Variants in PCBP3 observed in about 807,000 individuals in gnomAD.
PCBP3 encodes the protein poly(rC) binding protein 3.
In PCBP3, 25 loss-of-function variants were observed where a neutral mutation model predicts 52.7. The ratio of observed to expected loss-of-function variants is 0.47; its 90% confidence interval spans 0.35 to 0.66. The LOEUF is 0.66. Among genes scored for constraint, PCBP3 ranks in the 30% least tolerant of loss-of-function variants. The probability of loss-of-function intolerance (pLI) is 0.01; values close to 1 mark genes in which losing one functional copy is unlikely to be tolerated. For synonymous variants in PCBP3, 162 were observed against 183.0 expected (o/e 0.89, Z 0.93); for missense variants, 391 against 490.3 (o/e 0.80, Z 1.91).
In PCBP3 at chr21:45,896,866, AGGCGGCCGC is replaced by A. The variant is rs1187527520; in HGVS notation, c.165+508_165+516del. Among the ~76,000 whole-genome samples, 1,071 of 145,008 alleles carry A rather than the reference AGGCGGCCGC, an allele frequency of 7.4e-3. 2 individuals are homozygous for A. Among genetic ancestry groups the A allele is most frequent in the South Asian group, 0.014 (63 of 4,586 alleles). On this transcript the variant is annotated intron_variant, in intron 6 of 17. Transcript: ENST00000681687. ...GCCCGGGCCATTGTCTCTGTAGGAA[AGGCGGCCGC>A]GGCACATAGAACCGGAGATGCACTG...
chr21:45,855,654 T>C (rs1458658344), intron 5 of PCBP3, among the ~76,000 whole-genome samples: 1 of 152,270 alleles, frequency 6.6e-6, no homozygotes, highest in African/African-American at 2.4e-5. Context: ...CCCGCCACCC[T>C]AGGTCTGTGC....
chr21:45,927,315 TCC>T (rs1278507281), intron 13 of PCBP3, among the ~76,000 whole-genome samples: 2 of 27,882 alleles, frequency 7.2e-5, no homozygotes, highest in African/African-American at 2.9e-4. Flanking sequence ...CTCCCCTTCC[TCC>T]CTCTCCCCCT....
intron 5 of PCBP3, among the ~76,000 whole-genome samples, chr21:45,854,683 C>T (rs966229295): frequency 2.6e-5 from 4 of 152,216 alleles, no homozygotes; most frequent in Admixed American, 1.3e-4. Flanking sequence ...CTGTTAGGAG[C>T]GGTGCCCTTG....
At chr21:45,852,090 G>C (rs1450039615) in intron 5 of PCBP3, among the ~76,000 whole-genome samples, 3 of 152,228 alleles carry the variant, frequency 2.0e-5, no homozygotes, top group Non-Finnish European at 4.4e-5. Flanking sequence ...ATAGCTGGAA[G>C]ACAGGATTTT....
chr21:45,654,716 G>T (rs112738490), intron 1 of PCBP3, among the ~76,000 whole-genome samples: 1,725 of 152,164 alleles, frequency 0.011, 19 homozygotes, highest in Non-Finnish European at 0.018. Flanking sequence ...TAAACGTTTT[G>T]TGGGATATAA....
At chr21:45,794,005 A>G (rs555845165) in intron 4 of PCBP3, among the ~76,000 whole-genome samples, 1 of 152,226 alleles carries the variant, frequency 6.6e-6, no homozygotes, top group Non-Finnish European at 1.5e-5. Context: ...TGTAACATGT[A>G]CTAGTCTAAA....
In PCBP3 at chr21:45,805,319, G is replaced by C. The variant is rs1051030562; in HGVS notation, c.-125-44642G>C. Among the ~76,000 whole-genome samples the C allele has an allele frequency of 6.6e-6, 1 of 151,966 alleles. No homozygotes were observed. The highest frequency in any genetic ancestry group is 1.5e-5 in the Non-Finnish European group (1 of 67,960). ...GCTGAAAACCCCCCAGGTGGTGTCT[G>C]GGGGGGAAAGTAATTGGAAGATTAT... On this transcript the variant is annotated intron_variant, in intron 4 of 17. Transcript: ENST00000681687. This position sits in a 1 kb window ranked among gnomAD's most constrained non-coding sequence, Gnocchi z 4.6.
rs62211925 is a variant in PCBP3, at chr21:45,880,926, C to T, written c.11-15282C>T. Reference sequence around the variant, plus strand: ...AACAGCACAGCAGTGGGAAGGTACCCAGGGGCTTCAGCACGGGGTGAGTCC... The same window carrying T: ...AACAGCACAGCAGTGGGAAGGTACCTAGGGGCTTCAGCACGGGGTGAGTCC... On this transcript the variant is annotated intron_variant, in intron 5 of 17. Coordinates refer to ENST00000681687, the MANE Select transcript of PCBP3 (RefSeq NM_001384156.1). The surrounding 1 kb of genome is among the most constrained non-coding windows in gnomAD (Gnocchi z 5.4). 0.14 allele frequency among the ~76,000 whole-genome samples: 21,685 copies of T among 152,164 alleles called. 1,732 individuals carry two copies. The highest frequency in any genetic ancestry group is 0.29 in the Middle Eastern group (85 of 294).
chr21:45,939,881 C>T (rs1481888509), intron 16 of PCBP3, 149 bp from the exon 17 acceptor site: 23 of 661,782 alleles, frequency 3.5e-5, no homozygotes, highest in Non-Finnish European at 5.4e-5. Flanking sequence ...CAGGTGTGGG[C>T]GGGGCCTCTC....
rs532655207 is a variant in PCBP3, at chr21:45,709,139, T to C, written c.-199-26253T>C. ...GAGGAGAGCAGCCATGCAGAGGAAG[T>C]GCCTGGCATGCTGTAAGTTCTCAGC... is the stretch of plus-strand genomic sequence containing the variant. On this transcript the variant is annotated intron_variant, in intron 2 of 17. Coordinates refer to ENST00000681687, the MANE Select transcript of PCBP3 (RefSeq NM_001384156.1). Among the ~76,000 whole-genome samples, 11 of 152,348 alleles carry C rather than the reference T, an allele frequency of 7.2e-5. No individual in the cohort carries two copies. The East Asian group carries it at 2.1e-3, about 29-fold the overall frequency.
intron 5 of PCBP3, among the ~76,000 whole-genome samples, chr21:45,857,404 A>C (rs780121428): frequency 5.3e-5 from 8 of 152,176 alleles, no homozygotes; most frequent in Admixed American, 1.3e-4. Flanking sequence ...ATCAGAATTG[A>C]GTCCTCACGG....
At chr21:45,907,240 T>G (rs1396705895) in intron 9 of PCBP3, among the ~76,000 whole-genome samples, 1 of 152,228 alleles carries the variant, frequency 6.6e-6, no homozygotes, top group Non-Finnish European at 1.5e-5. Context: ...AGCTCTCTGG[T>G]CTGCAGGAGT....
Position 45,928,185 on chromosome 21 carries a change from G to A in PCBP3, c.718-1732G>A, listed in dbSNP as rs770598979. ...GTATCTCCGGGAGGTAGACTGTCCCGGTGACTTCAGCTGGTGTCCTTGGGA... is the reference window on the plus strand; with the variant it reads ...GTATCTCCGGGAGGTAGACTGTCCCAGTGACTTCAGCTGGTGTCCTTGGGA... On this transcript the variant is annotated intron_variant, in intron 13 of 17. Transcript: ENST00000681687. This position sits in a 1 kb window ranked among gnomAD's most constrained non-coding sequence, Gnocchi z 4.1. 4.6e-5 allele frequency among the ~76,000 whole-genome samples: 7 copies of A among 152,184 alleles called. No homozygotes were observed. Among genetic ancestry groups the A allele is most frequent in the African/African-American group, 9.6e-5 (4 of 41,458 alleles).
rs1353399698 is a variant in PCBP3, at chr21:45,715,349, A to AT, written c.-199-20037dup. On this transcript the variant is annotated intron_variant, in intron 2 of 17. Coordinates refer to ENST00000681687, the MANE Select transcript of PCBP3 (RefSeq NM_001384156.1). ...AAGTATATCGATGTCTATTATGTTT[A>AT]TTTTTTGAATTGAGGTATAATTTGC... Among the ~76,000 whole-genome samples the AT allele has an allele frequency of 2.0e-5, 3 of 152,168 alleles. No individual in the cohort carries two copies. The East Asian group carries it at 5.8e-4, about 29-fold the overall frequency.
intron 4 of PCBP3, among the ~76,000 whole-genome samples, chr21:45,848,935 A>T (rs1357967083): frequency 1.3e-5 from 2 of 152,218 alleles, no homozygotes. Context: ...ATTTTCCTGC[A>T]CTAGCAGTAA....
In PCBP3 at chr21:45,811,371, CA is replaced by C. The variant is rs902604047; in HGVS notation, c.-125-38589del. Among the ~76,000 whole-genome samples, 14 of 152,376 alleles carry C rather than the reference CA, an allele frequency of 9.2e-5. 1 individual carries two copies. The highest frequency in any genetic ancestry group is 1.8e-4 in the Non-Finnish European group (12 of 68,038). On this transcript the variant is annotated intron_variant, in intron 4 of 17. Transcript: ENST00000681687. ...TCCAGATTCTAGAAGTGCTCCCGTT[CA>C]TCTGCTCCTGAGTCCTCCTCCACCT...
chr21:45,787,395 T>C (rs371283797), intron 4 of PCBP3, among the ~76,000 whole-genome samples: 1 of 151,704 alleles, frequency 6.6e-6, no homozygotes, highest in East Asian at 1.9e-4. Context: ...CAGGCGCGTG[T>C]CACCACACCT....
Position 45,929,941 on chromosome 21 carries a change from G to C in PCBP3, c.742G>C (p.Ala248Pro). ...PDQLTKLHQLAMQQTPFPPLG... is the reference protein window; with the variant it reads ...PDQLTKLHQLPMQQTPFPPLG... ...GCAGTTGACCAAGCTCCACCAGTTGGCCATGCAGCAAACCCCCTTTCCTCC... is the reference window on the plus strand; with the variant it reads ...GCAGTTGACCAAGCTCCACCAGTTGCCCATGCAGCAAACCCCCTTTCCTCC... Residue 248 changes from alanine (A) to proline (P), a missense_variant, in exon 14 of 18, where the codon GCC becomes CCC. Coordinates refer to ENST00000681687, the MANE Select transcript of PCBP3 (RefSeq NM_001384156.1). 2 of 1,613,828 alleles carry C rather than the reference G, an allele frequency of 1.2e-6. No homozygotes were observed. Among genetic ancestry groups the C allele is most frequent in the South Asian group, 1.1e-5 (1 of 91,046 alleles).
chr21:45,900,516 C>A, intron 7 of PCBP3, 75 bp from the exon 8 acceptor site: 1 of 1,214,142 alleles, frequency 8.2e-7, no homozygotes, highest in Non-Finnish European at 1.2e-6. Context: ...CAGGCTGCTC[C>A]CCACCCACCA....
Sources: gnomAD v4.1 joint callset for allele counts (sites outside exome capture counted in the v4.1 genomes callset) on GRCh38, gnomAD v4.1.1 for gene constraint, Gnocchi (gnomAD v3.1) non-coding constraint, MANE v1.5 for transcripts, NCBI Gene and HGNC (gene_info 2026-07-23, HGNC 2026-07-21) for gene names.